DIP2C: variants seen among roughly 807,000 people sequenced by gnomAD.
DIP2C encodes the protein disco-interacting protein 2 homolog C.
Under a neutral mutation model 192.4 loss-of-function variants are expected in DIP2C, and 33 were observed. The observed-to-expected ratio is 0.17, with a 90% CI of 0.13 to 0.23. DIP2C has a LOEUF of 0.23. DIP2C is among the 10% of genes least tolerant of loss of function. The pLI, the probability that DIP2C is intolerant of heterozygous loss-of-function variation, is 1.00. For synonymous variants in DIP2C, 979 were observed against 864.1 expected (o/e 1.13, Z -2.33); for missense variants, 1,537 against 2,110.1 (o/e 0.73, Z 5.32).
chr10:604,499 G>GT (rs1852326679), intron 1 of DIP2C, among the ~76,000 whole-genome samples: 4 of 152,228 alleles, frequency 2.6e-5, no homozygotes, highest in Non-Finnish European at 5.9e-5. Flanking sequence ...CAACCAGAAA[G>GT]TAAGTACAGT....
intron 2 of DIP2C, among the ~76,000 whole-genome samples, chr10:480,461 G>A (rs1358895897): frequency 1.3e-5 from 2 of 152,266 alleles, no homozygotes; most frequent in Non-Finnish European, 2.9e-5. Flanking sequence ...CCTGGTCCAT[G>A]CTCACTGGAT....
intron 3 of DIP2C, among the ~76,000 whole-genome samples, chr10:463,439 G>A (rs902243635): frequency 2.6e-5 from 4 of 152,084 alleles, no homozygotes; most frequent in Non-Finnish European, 5.9e-5. Flanking sequence ...AACTTACAAG[G>A]GATGTGAAGG....
At chr10:617,581 TGCTCCAC>T (rs1271781358) in intron 1 of DIP2C, among the ~76,000 whole-genome samples, 61 of 152,126 alleles carry the variant, frequency 4.0e-4, no homozygotes, top group African/African-American at 1.4e-3. Context: ...CACCTCCCAT[TGCTCCAC>T]GCAGTGACCT....
At chr10:349,747 C>T (rs1414276757) in intron 24 of DIP2C, among the ~76,000 whole-genome samples, 2 of 152,152 alleles carry the variant, frequency 1.3e-5, no homozygotes, top group African/African-American at 2.4e-5. Context: ...AAAATGATTA[C>T]GTGAATTAAA....
Position 520,351 on chromosome 10 carries a change from G to A in DIP2C, c.86-33821C>T, listed in dbSNP as rs11252925. Reference sequence around the variant, plus strand: ...TACAGCACTTTCCGAAGACGTGTGCGTTACCTGCAGAAAGTTACTAGACAT... The same window carrying A: ...TACAGCACTTTCCGAAGACGTGTGCATTACCTGCAGAAAGTTACTAGACAT... On this transcript the variant is annotated intron_variant, in intron 1 of 36. Coordinates refer to ENST00000280886, the MANE Select transcript of DIP2C (RefSeq NM_014974.3). Among the ~76,000 whole-genome samples the A allele has an allele frequency of 0.013, 1,908 of 152,306 alleles. 95 individuals carry two copies. In the East Asian group the frequency reaches 0.13, roughly 11 times the overall value.
intron 3 of DIP2C, among the ~76,000 whole-genome samples, chr10:470,518 C>T (rs1363102735): frequency 1.3e-5 from 2 of 152,158 alleles, no homozygotes; most frequent in African/African-American, 4.8e-5. Flanking sequence ...AAGAGATAAC[C>T]ATCTCCTACT....
chr10:379,216 C>G (rs552472054), intron 17 of DIP2C, among the ~76,000 whole-genome samples: 1 of 135,658 alleles, frequency 7.4e-6, no homozygotes, highest in African/African-American at 2.7e-5. Context: ...CAACCCCTGA[C>G]AGCTGCTGCT....
chr10:539,590 A>G (rs1466540197), intron 1 of DIP2C, among the ~76,000 whole-genome samples: 1 of 152,220 alleles, frequency 6.6e-6, no homozygotes, highest in Non-Finnish European at 1.5e-5. Context: ...GAGGTTTTAA[A>G]AAGTTATGTA....
chr10:594,271 ACT>A (rs1202873050), intron 1 of DIP2C, among the ~76,000 whole-genome samples: 3 of 151,810 alleles, frequency 2.0e-5, no homozygotes, highest in Non-Finnish European at 2.9e-5. Flanking sequence ...TACAAATTCA[ACT>A]CTCACACCTG....
chr10:475,891 G>A (rs138920964), intron 2 of DIP2C, among the ~76,000 whole-genome samples: 4,453 of 152,284 alleles, frequency 0.029, 96 homozygotes, highest in East Asian at 0.077. Flanking sequence ...CACTGTCCCC[G>A]TCACAGGGAA....
At chr10:432,417 C>G (rs970545213) in intron 4 of DIP2C, among the ~76,000 whole-genome samples, 2 of 152,118 alleles carry the variant, frequency 1.3e-5, no homozygotes, top group African/African-American at 4.8e-5. Context: ...TTGGCAGATT[C>G]TGTCTTTAAA....
chr10:324,726 G>C, intron 31 of DIP2C: 1 of 308,960 alleles, frequency 3.2e-6, no homozygotes, highest in Non-Finnish European at 6.6e-6. Context: ...TAAGAATACA[G>C]AACCGTGCTC....
Position 327,157 on chromosome 10 carries a change from G to A in DIP2C, c.3773C>T (p.Ser1258Phe), listed in dbSNP as rs149344283. 3.1e-6 allele frequency: 5 copies of A among 1,613,806 alleles called. No individual in the cohort carries two copies. The African/African-American group carries it at 6.7e-5, about 22-fold the overall frequency. Reference sequence around the variant, plus strand: ...CACAACCACGCAGGTCCTCACTCGGGACAAGTCCAGCCCTCGCGCCTGGAG... The same window carrying A: ...CACAACCACGCAGGTCCTCACTCGGAACAAGTCCAGCCCTCGCGCCTGGAG... ...ESLKARGLDLSRVRTCVVVAE... is the reference protein window; with the variant it reads ...ESLKARGLDLFRVRTCVVVAE... The change falls in exon 31 of 37, where the codon TCC (serine) becomes TTC (phenylalanine). Residue 1258 changes from serine to phenylalanine, a missense_variant. Ser to Phe is a radical substitution (Grantham distance 155). Coordinates refer to ENST00000280886, the MANE Select transcript of DIP2C (RefSeq NM_014974.3).
At chr10:443,271 T>C (rs911812083) in intron 3 of DIP2C, among the ~76,000 whole-genome samples, 2 of 152,230 alleles carry the variant, frequency 1.3e-5, no homozygotes, top group Non-Finnish European at 2.9e-5. Context: ...AATCATTAGA[T>C]CTTCTACATT....
intron 3 of DIP2C, among the ~76,000 whole-genome samples, chr10:468,756 C>A (rs2133422184): frequency 6.6e-6 from 1 of 152,254 alleles, no homozygotes; most frequent in Middle Eastern, 3.4e-3. Flanking sequence ...GCCTGGGCAA[C>A]AAGAGTGAAA....
chr10:548,366 G>A lies in DIP2C; in HGVS notation c.86-61836C>T, dbSNP rs1848409345. On this transcript the variant is annotated intron_variant, in intron 1 of 36. Transcript: ENST00000280886. ...AACATCCAGCCCCGAGACCCACTCA[G>A]GAGCAGAAGACGGGAAAAGAGCATC... is the stretch of plus-strand genomic sequence containing the variant. 2.0e-5 allele frequency among the ~76,000 whole-genome samples: 3 copies of A among 151,506 alleles called. No individual in the cohort carries two copies. The South Asian group carries it at 6.3e-4, about 32-fold the overall frequency.
At chr10:348,616 GCC>G (rs752328701) in intron 26 of DIP2C, 23 bp downstream of exon 26, 2 of 1,609,032 alleles carry the variant, frequency 1.2e-6, no homozygotes, top group Non-Finnish European at 1.7e-6. Context: ...GCAGGTGGAG[GCC>G]CCGACATTCC....
At chr10:539,086 A>G (rs1406669948) in intron 1 of DIP2C, among the ~76,000 whole-genome samples, 2 of 152,048 alleles carry the variant, frequency 1.3e-5, no homozygotes, top group East Asian at 3.9e-4. Flanking sequence ...CGTTTTGTGA[A>G]TCTGCTATAT....
chr10:538,027 C>T (rs914855425), intron 1 of DIP2C, among the ~76,000 whole-genome samples: 2 of 151,116 alleles, frequency 1.3e-5, no homozygotes, highest in Non-Finnish European at 3.0e-5. Flanking sequence ...TGGCCTCAAG[C>T]GATCTGCTGC....
Sources: allele counts gnomAD v4.1 joint callset (sites outside exome capture counted in the v4.1 genomes callset), GRCh38; gene constraint gnomAD v4.1.1; transcripts MANE v1.5; gene names NCBI Gene and HGNC (gene_info 2026-07-23, HGNC 2026-07-21).